PDE1C: variants seen among roughly 807,000 people sequenced by gnomAD.
PDE1C encodes the protein phosphodiesterase 1C, also known as dual specificity calcium/calmodulin-dependent 3',5'-cyclic nucleotide phosphodiesterase 1C.
Under a neutral mutation model 93.1 loss-of-function variants are expected in PDE1C, and 62 were observed. The observed-to-expected ratio is 0.67, with a 90% CI of 0.54 to 0.82. The LOEUF (loss-of-function observed/expected upper bound fraction) is 0.82. PDE1C is among the 40% of genes least tolerant of loss of function. The pLI is 0.00. For missense variants in PDE1C, 742 were observed against 884.6 expected (o/e 0.84, Z 2.04); for synonymous variants, 325 against 310.1 (o/e 1.05, Z -0.50).
intron 1 of PDE1C, among the ~76,000 whole-genome samples, chr7:32,381,985 AAATT>A (rs1784544893): frequency 6.6e-6 from 1 of 152,178 alleles, no homozygotes; most frequent in Admixed American, 6.5e-5. Flanking sequence ...ATTTTTACAT[AAATT>A]AATTAATTGA....
chr7:32,099,793 C>A lies in PDE1C; in HGVS notation c.308+69992G>T, dbSNP rs900131266. ...TGCTCTTTCCATGGGCCAGAGGCCCCTGCAATGCCTCCTCTCTCCCAACAC... is the reference window on the plus strand; with the variant it reads ...TGCTCTTTCCATGGGCCAGAGGCCCATGCAATGCCTCCTCTCTCCCAACAC... On this transcript the variant is annotated intron_variant, in intron 3 of 18. Transcript: ENST00000396193. Among the ~76,000 whole-genome samples the A allele has an allele frequency of 6.3e-4, 96 of 152,302 alleles. 1 individual carries two copies. Among genetic ancestry groups the A allele is most frequent in the African/African-American group, 2.2e-3 (91 of 41,570 alleles).
At chr7:31,869,287 T>C (rs369101809) in intron 6 of PDE1C, among the ~76,000 whole-genome samples, 4 of 152,092 alleles carry the variant, frequency 2.6e-5, no homozygotes, top group South Asian at 4.1e-4. Flanking sequence ...ACCTTGAATG[T>C]ACATCAATTA....
At chr7:31,803,603 T>A (rs1374422185) in intron 16 of PDE1C, among the ~76,000 whole-genome samples, 1 of 151,902 alleles carries the variant, frequency 6.6e-6, no homozygotes, top group African/African-American at 2.4e-5. Context: ...TGTGTCCATG[T>A]GTTCTCATTG....
At chr7:32,380,571 T>A (rs1784515576) in intron 1 of PDE1C, among the ~76,000 whole-genome samples, 1 of 151,868 alleles carries the variant, frequency 6.6e-6, no homozygotes, top group Admixed American at 6.6e-5. Flanking sequence ...ACCTGCCCAA[T>A]TGAGCTTCCA....
chr7:31,915,019 C>T (rs6956485), intron 2 of PDE1C, among the ~76,000 whole-genome samples: 5,171 of 152,252 alleles, frequency 0.034, 284 homozygotes, highest in African/African-American at 0.12. Context: ...CTGAACACAC[C>T]GCCTGATGTA....
intron 1 of PDE1C, among the ~76,000 whole-genome samples, chr7:32,408,107 A>T: frequency 6.6e-6 from 1 of 152,242 alleles, no homozygotes; most frequent in Admixed American, 6.5e-5. Flanking sequence ...AAGAAAGATG[A>T]TACTGGGCAG....
intron 3 of PDE1C, among the ~76,000 whole-genome samples, chr7:32,091,857 G>A (rs1262562705): frequency 6.6e-6 from 1 of 152,144 alleles, no homozygotes; most frequent in Non-Finnish European, 1.5e-5. Context: ...ACCATGATAG[G>A]GGCAAGGGCA....
At chr7:31,684,236 A>C in the PDE1C span, among the ~76,000 whole-genome samples, 1 of 152,192 alleles carries the variant, frequency 6.6e-6, no homozygotes, top group African/African-American at 2.4e-5. Flanking sequence ...GTCTATTCAA[A>C]GGGGAAATCA....
At chr7:32,341,324 C>T (rs570661067) in intron 1 of PDE1C, among the ~76,000 whole-genome samples, 2 of 149,140 alleles carry the variant, frequency 1.3e-5, no homozygotes, top group South Asian at 2.2e-4. Context: ...TACAGGCGCC[C>T]GCTACCACGC....
At chr7:31,720,828 A>T in the PDE1C span, among the ~76,000 whole-genome samples, 1 of 152,198 alleles carries the variant, frequency 6.6e-6, no homozygotes, top group African/African-American at 2.4e-5. Flanking sequence ...ACAAATATTG[A>T]TACTTTTTAG....
At chr7:32,307,630 G>T (rs1813043749) in intron 1 of PDE1C, among the ~76,000 whole-genome samples, 1 of 152,152 alleles carries the variant, frequency 6.6e-6, no homozygotes, top group Non-Finnish European at 1.5e-5. Flanking sequence ...CCAGGACTGA[G>T]GTCATGATCT....
At chr7:32,212,025 C>CAAAAAAAA (rs35827566) in intron 1 of PDE1C, among the ~76,000 whole-genome samples, 14 of 81,092 alleles carry the variant, frequency 1.7e-4, no homozygotes, top group Non-Finnish European at 2.5e-4. Context: ...GAACCTATCT[C>CAAAAAAAA]AAAAAAAAAA....
chr7:32,056,314 C>A, intron 1 of PDE1C, among the ~76,000 whole-genome samples: 1 of 138,908 alleles, frequency 7.2e-6, no homozygotes, highest in Admixed American at 7.5e-5. Context: ...TGGAATGGGT[C>A]CACCGTTCTC....
chr7:32,056,958 G>A (rs914406042), intron 1 of PDE1C, among the ~76,000 whole-genome samples: 5 of 152,102 alleles, frequency 3.3e-5, no homozygotes, highest in African/African-American at 4.8e-5. Flanking sequence ...ATAAGGGGCC[G>A]TGTGCCTGCC....
At chr7:31,628,410 C>G in the PDE1C span, among the ~76,000 whole-genome samples, 1 of 152,028 alleles carries the variant, frequency 6.6e-6, no homozygotes, top group Non-Finnish European at 1.5e-5. Flanking sequence ...CATCTGTCCC[C>G]CAGAATGCAG....
intron 1 of PDE1C, among the ~76,000 whole-genome samples, chr7:32,398,464 C>T (rs1784881123): frequency 6.6e-6 from 1 of 151,678 alleles, no homozygotes; most frequent in Admixed American, 6.6e-5. Context: ...TCTTGGCTGG[C>T]CACAACCTCC....
intron 6 of PDE1C, among the ~76,000 whole-genome samples, chr7:31,866,926 C>T (rs1795366765): frequency 6.6e-6 from 1 of 152,094 alleles, no homozygotes; most frequent in Non-Finnish European, 1.5e-5. Context: ...CTGGAGATCA[C>T]ATGAAGACAT....
intron 16 of PDE1C, among the ~76,000 whole-genome samples, chr7:31,796,544 T>G (rs907445103): frequency 6.6e-6 from 1 of 151,788 alleles, no homozygotes; most frequent in Non-Finnish European, 1.5e-5. Flanking sequence ...AAGCGCTAAC[T>G]GTTCTGATTC....
At chr7:31,830,025 G>A (rs965247531) in intron 11 of PDE1C, among the ~76,000 whole-genome samples, 7 of 151,998 alleles carry the variant, frequency 4.6e-5, no homozygotes, top group African/African-American at 1.4e-4. Flanking sequence ...TTTCATTACT[G>A]AACAATCACC....
Sources: allele counts gnomAD v4.1 joint callset (sites outside exome capture counted in the v4.1 genomes callset), GRCh38; gene constraint gnomAD v4.1.1; transcripts MANE v1.5; gene names NCBI Gene and HGNC (gene_info 2026-07-23, HGNC 2026-07-21).